PRKACB: variants seen among roughly 807,000 people sequenced by gnomAD.
PRKACB encodes protein kinase cAMP-activated catalytic subunit beta.
PRKACB carries 16 observed loss-of-function variants against 51.4 expected under a neutral mutation model. That is an observed-to-expected ratio of 0.31 (90% CI 0.21 to 0.47). The LOEUF (loss-of-function observed/expected upper bound fraction) is 0.47, where lower values mean the gene tolerates loss of function less well. Ranked by LOEUF, PRKACB falls within the 20% of genes least tolerant of loss-of-function variation. The probability of loss-of-function intolerance (pLI) is 1.00; values close to 1 mark genes in which losing one functional copy is unlikely to be tolerated. For missense variants in PRKACB, 309 were observed against 464.5 expected, an observed-to-expected ratio of 0.67 and a Z score of 3.08; for synonymous variants, 147 against 154.4, an observed-to-expected ratio of 0.95 and a Z score of 0.35.
At chr1:84,168,793 C>T (rs1658392496) in intron 1 of PRKACB, among the ~76,000 whole-genome samples, 2 of 151,556 alleles carry the variant, frequency 1.3e-5, no homozygotes, top group Non-Finnish European at 3.0e-5. Context: ...CTGCTCATTA[C>T]TTTCATTCTA....
intron 9 of PRKACB, among the ~76,000 whole-genome samples, chr1:84,220,597 T>C (rs1441623460): frequency 6.6e-6 from 1 of 152,208 alleles, no homozygotes; most frequent in Non-Finnish European, 1.5e-5. Context: ...ACCTTTATTA[T>C]GTTGAGTAAT....
chr1:84,097,893 C>T (rs1206490412), intron 1 of PRKACB, among the ~76,000 whole-genome samples: 4 of 152,094 alleles, frequency 2.6e-5, no homozygotes, highest in African/African-American at 4.8e-5. Context: ...TTATTAAGGT[C>T]GGTCTTCTTT....
chr1:84,193,730 G>T (rs1374756706), intron 5 of PRKACB, among the ~76,000 whole-genome samples: 1 of 152,114 alleles, frequency 6.6e-6, no homozygotes, highest in Non-Finnish European at 1.5e-5. Flanking sequence ...TTAATTCTTG[G>T]AGCAGGTGCT....
At chr1:84,112,068 G>A (rs1650273848) in intron 1 of PRKACB, among the ~76,000 whole-genome samples, 1 of 151,994 alleles carries the variant, frequency 6.6e-6, no homozygotes, top group Non-Finnish European at 1.5e-5. Flanking sequence ...CTGCAATTGA[G>A]TCTTGTGAGC....
intron 1 of PRKACB, among the ~76,000 whole-genome samples, chr1:84,093,483 A>G (rs1052270744): frequency 3.9e-5 from 6 of 152,042 alleles, no homozygotes; most frequent in Non-Finnish European, 5.9e-5. Context: ...TGTCTATTTT[A>G]GTGTCAGTAC....
chr1:84,087,758 G>A (rs1557905440), intron 1 of PRKACB, among the ~76,000 whole-genome samples: 1 of 152,060 alleles, frequency 6.6e-6, no homozygotes, highest in Non-Finnish European at 1.5e-5. Context: ...TATAAGATAA[G>A]TCTTCTTCTT....
At chr1:84,084,734 A>G (rs1051642930) in intron 1 of PRKACB, among the ~76,000 whole-genome samples, 6 of 152,188 alleles carry the variant, frequency 3.9e-5, no homozygotes, top group African/African-American at 1.4e-4. Context: ...CTTCAATGCC[A>G]TGGTAGATGG....
intron 1 of PRKACB, among the ~76,000 whole-genome samples, chr1:84,152,407 C>T (rs1046307389): frequency 1.3e-5 from 2 of 152,170 alleles, no homozygotes; most frequent in Non-Finnish European, 2.9e-5. Context: ...TCCTTTGAAG[C>T]TTTGAAGCCA....
chr1:84,124,229 C>T (rs993118116), intron 1 of PRKACB, among the ~76,000 whole-genome samples: 6 of 152,170 alleles, frequency 3.9e-5, no homozygotes, highest in East Asian at 1.9e-4. Flanking sequence ...AGTACAGTAA[C>T]GTGGGTGTTA....
chr1:84,199,063 ATATATGCATATATGTATATATATGCG>A (rs1669161031), intron 7 of PRKACB, among the ~76,000 whole-genome samples: 4 of 51,512 alleles, frequency 7.8e-5, no homozygotes, highest in East Asian at 4.6e-4. Context: ...ATATATGCGT[ATATATGCATATATGTATATATATGCG>A]TATATATGCA....
At chr1:84,211,838 CTA>C (rs2101560276) in intron 8 of PRKACB, among the ~76,000 whole-genome samples, 1 of 152,210 alleles carries the variant, frequency 6.6e-6, no homozygotes, top group African/African-American at 2.4e-5. Context: ...TGCCTAGCTT[CTA>C]GTAAACCACT....
chr1:84,097,544 A>G (rs968473626), intron 1 of PRKACB, among the ~76,000 whole-genome samples: 10 of 152,002 alleles, frequency 6.6e-5, no homozygotes, highest in Non-Finnish European at 2.9e-5. Context: ...TCTATAATAA[A>G]TCTCCTCTTA....
chr1:84,228,040 G>A (rs1674931477), intron 9 of PRKACB, among the ~76,000 whole-genome samples: 2 of 152,152 alleles, frequency 1.3e-5, no homozygotes, highest in African/African-American at 4.8e-5. Flanking sequence ...TGAAGCAACT[G>A]TCTGCTTAGC....
intron 6 of PRKACB, 97 bp downstream of exon 6, chr1:84,196,839 A>T: frequency 7.7e-7 from 1 of 1,293,182 alleles, no homozygotes; most frequent in Non-Finnish European, 1.1e-6. Context: ...TTTGAAGAAG[A>T]CACTTTCTCC....
At chr1:84,154,374 G>A (rs1379012627) in intron 1 of PRKACB, among the ~76,000 whole-genome samples, 3 of 151,950 alleles carry the variant, frequency 2.0e-5, no homozygotes, top group Non-Finnish European at 4.4e-5. Context: ...TTAGTTTGAT[G>A]CAATGAACAA....
intron 9 of PRKACB, among the ~76,000 whole-genome samples, chr1:84,229,759 G>T (rs1458359531): frequency 2.0e-5 from 3 of 151,012 alleles, no homozygotes; most frequent in African/African-American, 7.3e-5. Flanking sequence ...CATGTCCTTT[G>T]CCCACTTTTT....
chr1:84,198,798 G>T (rs962829271), intron 7 of PRKACB, among the ~76,000 whole-genome samples: 1 of 148,734 alleles, frequency 6.7e-6, no homozygotes, highest in Non-Finnish European at 1.5e-5. Context: ...CAACCTAGAC[G>T]CAGCCTTTTT....
chr1:84,231,791 G>A (rs1235286259), intron 9 of PRKACB, among the ~76,000 whole-genome samples: 57 of 151,684 alleles, frequency 3.8e-4, no homozygotes, highest in South Asian at 1.9e-3. Flanking sequence ...TTTTTATTGC[G>A]TCTATTTGAT....
chr1:84,197,802 C>A lies in PRKACB; in HGVS notation c.761C>A (p.Ala254Asp). The stretch of plus-strand genomic sequence containing the variant: ...TTATGTGGAACTCCAGAGTATTTGG[C>A]TCCAGAAATAATTCTCAGCAAGGTA... ...WTLCGTPEYL[A>D]PEIILSKGYN... Residue 254 changes from alanine to aspartate, a missense_variant, in exon 7 of 10, where the codon GCT becomes GAT. By Grantham distance (126) the Ala-to-Asp change is moderately radical. Transcript: ENST00000370685. 1 of 1,609,776 alleles carries A rather than the reference C, an allele frequency of 6.2e-7. No homozygotes were observed. Among genetic ancestry groups the A allele is most frequent in the Non-Finnish European group, 8.5e-7 (1 of 1,176,876 alleles).
Sources: allele counts gnomAD v4.1 joint callset (sites outside exome capture counted in the v4.1 genomes callset), GRCh38; gene constraint gnomAD v4.1.1; transcripts MANE v1.5; gene names NCBI Gene and HGNC (gene_info 2026-07-23, HGNC 2026-07-21).